The following LRP6 variants were observed in gnomAD, a reference collection of about 807,000 sequenced individuals.
LRP6 encodes the protein LDL receptor related protein 6.
In LRP6, 43 loss-of-function variants were observed where a neutral mutation model predicts 184.1. That is an observed-to-expected ratio of 0.23 (90% CI 0.18 to 0.30). The LOEUF (loss-of-function observed/expected upper bound fraction) is 0.30. LRP6 is among the 10% of genes least tolerant of loss of function. The pLI is 1.00. For missense variants in LRP6, 1,571 were observed against 2,005.3 expected (o/e 0.78, Z 4.14); for synonymous variants, 719 against 684.9 (o/e 1.05, Z -0.78).
At chr12:12,184,263 A>G in intron 4 of LRP6, 152 bp from the exon 5 acceptor site, 1 of 672,922 alleles carries the variant, frequency 1.5e-6, no homozygotes, top group East Asian at 2.8e-5. Context: ...ACAGGAATTA[A>G]TCAGTGTGAA....
chr12:12,244,121 G>T, intron 2 of LRP6, 141 bp downstream of exon 2: 1 of 817,246 alleles, frequency 1.2e-6, no homozygotes, highest in Non-Finnish European at 2.0e-6. Flanking sequence ...CCACATTCAA[G>T]TCTACTCAAC....
At chr12:12,247,740 CCAAA>C (rs1411103767) in intron 1 of LRP6, among the ~76,000 whole-genome samples, 1 of 152,152 alleles carries the variant, frequency 6.6e-6, no homozygotes, top group Non-Finnish European at 1.5e-5. Flanking sequence ...TTTTTATCTA[CCAAA>C]CAGATACACT....
At chr12:12,230,475 G>C (rs1864754826) in intron 2 of LRP6, among the ~76,000 whole-genome samples, 2 of 151,948 alleles carry the variant, frequency 1.3e-5, no homozygotes, top group Admixed American at 1.3e-4. Flanking sequence ...TACATACACA[G>C]GTGACTAATT....
chr12:12,249,025 T>C (rs1399808768), intron 1 of LRP6: 4 of 640,618 alleles, frequency 6.2e-6, no homozygotes, highest in Non-Finnish European at 8.5e-6. Context: ...TAAAAGTCCC[T>C]TGCAATTTCC....
rs772208806 is a variant in LRP6, at chr12:12,151,032, G to A, written c.2798C>T (p.Thr933Met). The change falls in exon 13 of 23, where the codon ACG becomes ATG. Residue 933 changes from threonine (T) to methionine (M), a missense_variant. By Grantham distance (81) the Thr-to-Met change is moderately conservative. Transcript: ENST00000261349. ...CTTTTGACTGAAGAGCAGGAAAGTCGTAGGAGCTTAAAAGGAAGAAAAGAG... is the reference window on the plus strand; with the variant it reads ...CTTTTGACTGAAGAGCAGGAAAGTCATAGGAGCTTAAAAGGAAGAAAAGAG... ...NADNRTCSAPTTFLLFSQKSA... is the reference protein window; with the variant it reads ...NADNRTCSAPMTFLLFSQKSA... 1.4e-5 allele frequency: 23 copies of A among 1,613,578 alleles called. No individual in the cohort carries two copies. Among genetic ancestry groups the A allele is most frequent in the East Asian group, 1.1e-4 (5 of 44,880 alleles).
chr12:12,171,328 A>G (rs1033843984), intron 7 of LRP6, among the ~76,000 whole-genome samples: 1 of 152,122 alleles, frequency 6.6e-6, no homozygotes, highest in African/African-American at 2.4e-5. Context: ...CATCCTGGCT[A>G]ACATGGTGAA....
intron 1 of LRP6, among the ~76,000 whole-genome samples, chr12:12,261,320 G>C (rs370050316): frequency 4.8e-4 from 72 of 151,530 alleles, no homozygotes; most frequent in African/African-American, 1.7e-3. Context: ...GGAGAATGGC[G>C]TGAACCCGGG....
rs1949570140 is a variant in LRP6, at chr12:12,119,840, T to C, written c.*1286A>G. 1 of 151,466 alleles carries C rather than the reference T, an allele frequency of 6.6e-6. No individual in the cohort carries two copies. Among genetic ancestry groups the C allele is most frequent in the African/African-American group, 2.4e-5 (1 of 41,188 alleles). The allele number at this position is 151,466 out of a possible 1,614,324, so 9.4% of individuals were successfully genotyped here. Reference sequence around the variant, plus strand: ...TTAGAAGAGGTATGTATGTAGACATTATTCTGAGAAAAACCGGTCTAAAGA... The same window carrying C: ...TTAGAAGAGGTATGTATGTAGACATCATTCTGAGAAAAACCGGTCTAAAGA... On this transcript the variant is annotated 3_prime_UTR_variant, in exon 23 of 23. Transcript: ENST00000261349.
At chr12:12,262,651 C>G (rs1320675844) in intron 1 of LRP6, among the ~76,000 whole-genome samples, 1 of 151,634 alleles carries the variant, frequency 6.6e-6, no homozygotes, top group Non-Finnish European at 1.5e-5. Flanking sequence ...AAAAATACTT[C>G]CAGCAGAAGA....
chr12:12,157,488 A>T (rs999777069), intron 12 of LRP6, among the ~76,000 whole-genome samples: 5 of 152,186 alleles, frequency 3.3e-5, no homozygotes, highest in Admixed American at 6.5e-5. Context: ...AATTTTACAA[A>T]TGAGAAAAAA....
chr12:12,202,893 A>G (rs1455854122), intron 3 of LRP6, among the ~76,000 whole-genome samples: 1 of 152,184 alleles, frequency 6.6e-6, no homozygotes, highest in Non-Finnish European at 1.5e-5. Context: ...CTTGGGTTAA[A>G]CAAAATTCTC....
At chr12:12,219,473 G>C (rs913920831) in intron 2 of LRP6, among the ~76,000 whole-genome samples, 5 of 152,262 alleles carry the variant, frequency 3.3e-5, no homozygotes, top group South Asian at 2.1e-4. Flanking sequence ...AAAGTGCTGG[G>C]ATTACAGGCG....
intron 2 of LRP6, 148 bp downstream of exon 2, chr12:12,244,114 C>T (rs1865129029): frequency 1.3e-5 from 10 of 789,376 alleles, no homozygotes; most frequent in Non-Finnish European, 2.1e-5. Context: ...TAACTTTCCA[C>T]ATTCAAGTCT....
chr12:12,124,568 T>C lies in LRP6; in HGVS notation c.4544A>G (p.Tyr1515Cys), dbSNP rs1949647182. The part of the protein sequence containing the change: ...SSNSPSTHRS[Y>C]SYRPYSYRHF... The stretch of plus-strand genomic sequence containing the variant: ...TTTAGAGAAGGATGTGTATTACCTG[T>C]ATGACCTATGAGTGGAAGGACTGTT... The change falls in exon 22 of 23, where the codon TAC becomes TGC. Residue 1515 changes from tyrosine to cysteine, a missense_variant. Tyr to Cys is a radical substitution (Grantham distance 194, BLOSUM62 -2). Around this residue, in one of 4 missense-constraint regions of LRP6, gnomAD observed 763 missense variants for 859.5 expected, o/e 0.89. Transcript: ENST00000261349. 1 of 1,599,844 alleles carries C rather than the reference T, an allele frequency of 6.3e-7. No individual in the cohort carries two copies. The highest frequency in any genetic ancestry group is 1.7e-5 in the Admixed American group (1 of 60,000).
chr12:12,119,987 C>CAAACAAACAAACAAACAAACAAAAAA lies in LRP6; in HGVS notation c.*1138_*1139insTTTTTTGTTTGTTTGTTTGTTTGTTT, dbSNP rs567315765. On this transcript the variant is annotated 3_prime_UTR_variant, in exon 23 of 23. Transcript: ENST00000261349. Reference sequence around the variant, plus strand: ...TTTACTCAGAAAACAAACAAACAAACAAAATATATATATATATATATATAT... The same window carrying CAAACAAACAAACAAACAAACAAAAAA: ...TTTACTCAGAAAACAAACAAACAAACAAACAAACAAACAAACAAACAAAAAAAAAATATATATATATATATATATAT... The CAAACAAACAAACAAACAAACAAAAAA allele has an allele frequency of 2.3e-5, 1 of 42,938 alleles. No homozygotes were observed. Among genetic ancestry groups the CAAACAAACAAACAAACAAACAAAAAA allele is most frequent in the Non-Finnish European group, 4.5e-5 (1 of 22,140 alleles). The allele number at this position is 42,938 out of a possible 1,614,324, so 2.7% of individuals were successfully genotyped here. A position where few individuals can be genotyped will look rare whatever the true frequency, so the allele number is the denominator to read the frequency against.
At chr12:12,221,811 T>A (rs1222445379) in intron 2 of LRP6, among the ~76,000 whole-genome samples, 2 of 152,226 alleles carry the variant, frequency 1.3e-5, no homozygotes, top group Admixed American at 6.5e-5. Context: ...CCCCAGTTGG[T>A]ACTCGCCTGT....
intron 2 of LRP6, among the ~76,000 whole-genome samples, chr12:12,243,925 T>C (rs536705381): frequency 6.6e-6 from 1 of 151,872 alleles, no homozygotes; most frequent in Admixed American, 6.6e-5. Flanking sequence ...TAACAAAAAA[T>C]TTTTTTTAGC....
chr12:12,176,846 T>A (rs1268714096), intron 7 of LRP6, among the ~76,000 whole-genome samples: 2 of 142,114 alleles, frequency 1.4e-5, no homozygotes, highest in African/African-American at 5.1e-5. Flanking sequence ...GCCCAAACTT[T>A]TTTTTTTTTT....
intron 1 of LRP6, among the ~76,000 whole-genome samples, chr12:12,258,426 A>C (rs1425150637): frequency 6.6e-6 from 1 of 152,250 alleles, no homozygotes; most frequent in Admixed American, 6.5e-5. Context: ...TAATCGTTAC[A>C]AATTTATAAT....
Sources: allele counts gnomAD v4.1 joint callset (sites outside exome capture counted in the v4.1 genomes callset), GRCh38; gene constraint gnomAD v4.1.1; regional missense constraint gnomAD v4.1.1; transcripts MANE v1.5; gene names NCBI Gene and HGNC (gene_info 2026-07-23, HGNC 2026-07-21).